RERE: variants seen among roughly 807,000 people sequenced by gnomAD.
RERE encodes the protein arginine-glutamic acid dipeptide repeats protein.
Under a neutral mutation model 146.1 loss-of-function variants are expected in RERE, and 40 were observed. The observed-to-expected ratio is 0.27, with a 90% CI of 0.21 to 0.36. RERE has a LOEUF of 0.36. Among genes scored for constraint, RERE ranks in the 10% least tolerant of loss-of-function variants. RERE has a pLI of 1.00. For synonymous variants in RERE, 1,003 were observed against 866.0 expected (o/e 1.16, Z -2.78); for missense variants, 1,933 against 2,138.7 (o/e 0.90, Z 1.90).
At chr1:8,509,238 C>T (rs1645296890) in intron 7 of RERE, among the ~76,000 whole-genome samples, 2 of 152,212 alleles carry the variant, frequency 1.3e-5, no homozygotes, top group African/African-American at 4.8e-5. Context: ...CGAGCCACCA[C>T]ACCTGGCCCC....
chr1:8,497,084 T>C (rs1044826647), intron 9 of RERE, among the ~76,000 whole-genome samples: 2 of 152,192 alleles, frequency 1.3e-5, no homozygotes, highest in Non-Finnish European at 2.9e-5. Flanking sequence ...ATGAGCTGAA[T>C]GACTGAAGTA....
chr1:8,500,443 C>T (rs961291050), intron 8 of RERE, among the ~76,000 whole-genome samples: 2 of 152,240 alleles, frequency 1.3e-5, no homozygotes, highest in African/African-American at 2.4e-5. Flanking sequence ...AGCTCCTGAC[C>T]GCGAGTGATC....
chr1:8,541,134 CACACACACACACAT>C (rs1645795162), intron 7 of RERE, 66 bp downstream of exon 7: 3 of 490,612 alleles, frequency 6.1e-6, no homozygotes, highest in Non-Finnish European at 1.1e-5. Flanking sequence ...GCATAAACTA[CACACACACACACAT>C]ACACACACAC....
At chr1:8,734,460 T>C (rs766660659) in intron 1 of RERE, among the ~76,000 whole-genome samples, 21 of 152,176 alleles carry the variant, frequency 1.4e-4, no homozygotes, top group Non-Finnish European at 2.6e-4. Context: ...CCAAAGCTTA[T>C]GGAAGTGAAT....
At chr1:8,511,779 C>CTT (rs775118842) in intron 7 of RERE, 2 of 141,252 alleles carry the variant, frequency 1.4e-5, no homozygotes, top group Non-Finnish European at 3.1e-5. Context: ...TTTTCTTTTT[C>CTT]TTTTTTTTTT....
chr1:8,741,328 G>A (rs958974561), intron 1 of RERE, among the ~76,000 whole-genome samples: 1 of 152,186 alleles, frequency 6.6e-6, no homozygotes, highest in Non-Finnish European at 1.5e-5. Context: ...AAGATGTCTA[G>A]AACAAAGCAG....
chr1:8,391,415 C>A (rs1290723278), intron 12 of RERE, among the ~76,000 whole-genome samples: 1 of 152,158 alleles, frequency 6.6e-6, no homozygotes, highest in African/African-American at 2.4e-5. Context: ...GACCTCTCCC[C>A]ATCACTGTTA....
chr1:8,801,077 G>A lies in RERE; in HGVS notation c.-145+16083C>T, dbSNP rs986415882. ...AGTTCGAGACCAGCCTGAGCAACAT[G>A]GTAAAACCCCGTTTCTACAAAAAAT... On this transcript the variant is annotated intron_variant, in intron 1 of 22. Coordinates refer to ENST00000400908, the MANE Select transcript of RERE (RefSeq NM_001042681.2). Among the ~76,000 whole-genome samples the A allele has an allele frequency of 1.2e-4, 19 of 152,154 alleles. No individual in the cohort carries two copies. In the East Asian group the frequency reaches 1.5e-3, roughly 12 times the overall value.
At chr1:8,745,121 C>T (rs983775001) in intron 1 of RERE, among the ~76,000 whole-genome samples, 7 of 152,132 alleles carry the variant, frequency 4.6e-5, no homozygotes, top group South Asian at 4.1e-4. Flanking sequence ...ATAATCCCCA[C>T]GTGTCTAGGG....
rs1322339774 is a variant in RERE, at chr1:8,486,769, A to AG, written c.1104+8293_1104+8294insC. On this transcript the variant is annotated intron_variant, in intron 10 of 22. Transcript: ENST00000400908. The stretch of plus-strand genomic sequence containing the variant: ...GGAGTCCATCTTAAAAAAAAAAAAA[A>AG]AAAGAAAAGAAAGAAAAGAAAAAAA... Among the ~76,000 whole-genome samples the AG allele has an allele frequency of 3.0e-3, 441 of 147,320 alleles. 7 individuals are homozygous for AG. The highest frequency in any genetic ancestry group is 0.011 in the African/African-American group (420 of 37,974).
intron 4 of RERE, among the ~76,000 whole-genome samples, chr1:8,570,238 G>A (rs1157930658): frequency 6.6e-6 from 1 of 152,072 alleles, no homozygotes; most frequent in Non-Finnish European, 1.5e-5. Flanking sequence ...TCAGGAGGCT[G>A]AGGCAGGAGA....
At chr1:8,501,578 C>T (rs1390111450) in intron 8 of RERE, among the ~76,000 whole-genome samples, 1 of 130,596 alleles carries the variant, frequency 7.7e-6, no homozygotes, top group Non-Finnish European at 1.7e-5. Context: ...AAGTGAGGAC[C>T]CCTCTGCCCG....
chr1:8,670,005 T>C (rs574474360), intron 1 of RERE, among the ~76,000 whole-genome samples: 1 of 152,340 alleles, frequency 6.6e-6, no homozygotes, highest in East Asian at 1.9e-4. Context: ...GGAGCAGCTC[T>C]TTTAAACACT....
intron 4 of RERE, among the ~76,000 whole-genome samples, chr1:8,601,296 G>A (rs1646622320): frequency 6.6e-6 from 1 of 152,176 alleles, no homozygotes; most frequent in South Asian, 2.1e-4. Flanking sequence ...GGGATTACAG[G>A]GATGAGCCAC....
intron 4 of RERE, among the ~76,000 whole-genome samples, chr1:8,578,308 C>A (rs977146915): frequency 1.3e-5 from 2 of 152,118 alleles, no homozygotes; most frequent in Non-Finnish European, 2.9e-5. Flanking sequence ...GACCTCCTTA[C>A]ACAAAGCCTA....
Position 8,358,359 on chromosome 1 carries a change from G to A in RERE, c.4176C>T (p.Tyr1392=), listed in dbSNP as rs367773415. The part of the protein sequence containing the change: ...AGPQLRPEMS[Y]PDRLAAERIH... The stretch of plus-strand genomic sequence containing the variant: ...TACGCTCGGCTGCCAGTCTGTCAGG[G>A]TAGCTCATCTCGGGCCGCAGCTGGG... The change falls in exon 20 of 23, where the codon TAC becomes TAT. Residue 1392 remains tyrosine (Y), a synonymous_variant. Transcript: ENST00000400908. 1.4e-5 allele frequency: 23 copies of A among 1,611,620 alleles called. No homozygotes were observed. The African/African-American group carries it at 2.8e-4, about 20-fold the overall frequency.
intron 1 of RERE, among the ~76,000 whole-genome samples, chr1:8,679,910 G>A (rs1181137918): frequency 1.3e-5 from 2 of 152,210 alleles, no homozygotes; most frequent in Non-Finnish European, 2.9e-5. Flanking sequence ...TTATACACAG[G>A]AAGAGAGGAA....
chr1:8,435,253 G>A (rs543292143), intron 11 of RERE, among the ~76,000 whole-genome samples: 91 of 152,300 alleles, frequency 6.0e-4, no homozygotes, highest in African/African-American at 1.9e-3. Flanking sequence ...TAGATAACAC[G>A]ATATAGGCTA....
At chr1:8,483,677 C>T (rs950169147) in intron 10 of RERE, among the ~76,000 whole-genome samples, 9 of 152,232 alleles carry the variant, frequency 5.9e-5, no homozygotes, top group African/African-American at 2.2e-4. Context: ...TTAGAAAACA[C>T]AAATAATTAA....
Sources: gnomAD v4.1 joint callset for allele counts (sites outside exome capture counted in the v4.1 genomes callset) on GRCh38, gnomAD v4.1.1 for gene constraint, MANE v1.5 for transcripts, NCBI Gene and HGNC (gene_info 2026-07-23, HGNC 2026-07-21) for gene names.